Variants in MDM1 observed in about 807,000 individuals in gnomAD.
The protein encoded by MDM1 is Mdm1 nuclear protein.
In MDM1, 61 loss-of-function variants were observed where a neutral mutation model predicts 89.1. The observed-to-expected ratio is 0.68, with a 90% confidence interval of 0.56 to 0.85. The LOEUF is 0.85. Ranked by LOEUF, MDM1 falls within the 40% of genes least tolerant of loss-of-function variation. The pLI is 0.00. For missense variants in MDM1, 820 were observed against 846.5 expected (o/e 0.97, Z 0.39); for synonymous variants, 290 against 294.1 (o/e 0.99, Z 0.14).
intron 7 of MDM1, 137 bp downstream of exon 7, chr12:68,321,210 C>A: frequency 2.0e-6 from 1 of 498,652 alleles, no homozygotes; most frequent in Admixed American, 3.7e-5. Flanking sequence ...ACATAAGTTC[C>A]TGATACTATT....
chr12:68,327,397 G>C, intron 2 of MDM1: 1 of 1,535,610 alleles, frequency 6.5e-7, no homozygotes, highest in Non-Finnish European at 8.7e-7. Context: ...ATGGGCCCTG[G>C]TACTGTCAAA....
chr12:68,326,485 A>G (rs1875996898), intron 3 of MDM1, 172 bp downstream of exon 3: 1 of 1,517,334 alleles, frequency 6.6e-7, no homozygotes, highest in South Asian at 1.3e-5. Context: ...TCAGAATAGA[A>G]CTAATTCACA....
chr12:68,332,287 G>A lies in MDM1; in HGVS notation c.-42C>T, dbSNP rs767394016. 1.2e-5 allele frequency: 19 copies of A among 1,569,720 alleles called. No individual in the cohort carries two copies. Among genetic ancestry groups the A allele is most frequent in the Admixed American group, 7.4e-5 (4 of 53,878 alleles). Reference sequence around the variant, plus strand: ...GCCCCCGCTACTCCGACAGTTAACTGGAGAAAAAGCTCCGAGGGGGCGGGG... The same window carrying A: ...GCCCCCGCTACTCCGACAGTTAACTAGAGAAAAAGCTCCGAGGGGGCGGGG... On this transcript the variant is annotated 5_prime_UTR_variant, in exon 1 of 15. Transcript: ENST00000682720.
chr12:68,323,119 T>A lies in MDM1; in HGVS notation c.755A>T (p.Asp252Val). 1 of 1,609,732 alleles carries A rather than the reference T, an allele frequency of 6.2e-7. No homozygotes were observed. Residue 252 changes from aspartate to valine, a missense_variant, in exon 5 of 15, where the codon GAT becomes GTT. Physicochemically the swap from Asp to Val is radical, Grantham distance 152 (BLOSUM62 -3). Coordinates refer to ENST00000682720, the MANE Select transcript of MDM1 (RefSeq NM_001354969.2). ...SPVKEPKLRN[D>V]LRENRNLETV... ...TTCAAGATTTCTGTTTTCTCTCAAA[T>A]CATTTCTTAATTTTGGTTCTTTCAC...
rs777245690 is a variant in MDM1, at chr12:68,316,097, T to C, written c.1192A>G (p.Arg398Gly). Residue 398 changes from arginine (R) to glycine (G), a missense_variant, in exon 9 of 15, where the codon AGA (arginine) becomes GGA (glycine). Arg to Gly is a moderately radical substitution (Grantham distance 125). Coordinates refer to ENST00000682720, the MANE Select transcript of MDM1 (RefSeq NM_001354969.2). ...SSEGTVSSNI[R>G]ALDLAGDPTS... is the part of the protein sequence containing the mutation. ...TCTCACCCAGCAAGATCTAATGCTC[T>C]GATGTTGCTACTAACGGTTCCTTCT... The C allele has an allele frequency of 6.2e-7, 1 of 1,612,012 alleles. No homozygotes were observed. The highest frequency in any genetic ancestry group is 1.1e-5 in the South Asian group (1 of 90,736).
chr12:68,312,444 T>C (rs931779720), intron 12 of MDM1, among the ~76,000 whole-genome samples: 3 of 152,172 alleles, frequency 2.0e-5, no homozygotes, highest in Non-Finnish European at 2.9e-5. Flanking sequence ...TTGTTGGCTG[T>C]ACCTTCCATG....
chr12:68,295,520 T>C (rs1323106965), intron 14 of MDM1, among the ~76,000 whole-genome samples, 154 bp from the exon 15 acceptor site: 5 of 152,264 alleles, frequency 3.3e-5, no homozygotes, highest in Non-Finnish European at 7.3e-5. Flanking sequence ...TGTAAGATAC[T>C]AACACTCTCA....
chr12:68,315,199 G>A lies in MDM1; in HGVS notation c.1278C>T (p.Ile426=), dbSNP rs139553308. 9.4e-3 allele frequency: 15,097 copies of A among 1,614,090 alleles called. 114 individuals carry two copies. The highest frequency in any genetic ancestry group is 0.012 in the Non-Finnish European group (13,607 of 1,180,014). ...PSTEPEEKGN[I]VEEQPQKNTT... is the part of the protein sequence containing the mutation. ...TATTTTTCTGGGGCTGTTCTTCCAC[G>A]ATATTTCCTTTTTCTTCTGGTTCTG... Residue 426 remains isoleucine, a synonymous_variant, in exon 10 of 15, where the codon ATC becomes ATT. Transcript: ENST00000682720.
chr12:68,301,755 T>A (rs1872193116), intron 13 of MDM1, among the ~76,000 whole-genome samples: 2 of 142,366 alleles, frequency 1.4e-5, no homozygotes, highest in East Asian at 2.0e-4. Context: ...AGGAGAGAAA[T>A]TTTTTTTTTT....
At chr12:68,322,028 C>A (rs1875297486) in intron 5 of MDM1, among the ~76,000 whole-genome samples, 2 of 152,218 alleles carry the variant, frequency 1.3e-5, no homozygotes, top group South Asian at 4.1e-4. Flanking sequence ...TACTGAATAA[C>A]AATTCTTTTT....
chr12:68,295,580 T>G (rs1871269510), intron 14 of MDM1, among the ~76,000 whole-genome samples: 1 of 152,214 alleles, frequency 6.6e-6, no homozygotes, highest in African/African-American at 2.4e-5. Context: ...AAATCAAACC[T>G]TTTAATCTTA....
At chr12:68,316,434 A>G in intron 8 of MDM1, 147 bp downstream of exon 8, 1 of 924,652 alleles carries the variant, frequency 1.1e-6, no homozygotes, top group Non-Finnish European at 1.6e-6. Context: ...ATCAAGCTAA[A>G]GCATGATGCA....
At chr12:68,325,254 C>T (rs1207219131) in intron 4 of MDM1, 187 bp downstream of exon 4, 2 of 1,221,708 alleles carry the variant, frequency 1.6e-6, no homozygotes, top group South Asian at 3.5e-5. Flanking sequence ...AAGCCTAGGA[C>T]AGTATAATAT....
chr12:68,303,107 A>G (rs1159533841), intron 12 of MDM1, among the ~76,000 whole-genome samples: 2 of 152,166 alleles, frequency 1.3e-5, no homozygotes, highest in Non-Finnish European at 2.9e-5. Flanking sequence ...GAAAAAATAC[A>G]ACTTTTATGA....
rs750682129 is a variant in MDM1 at position 68,315,063 on chromosome 12, C to G, written c.1414G>C (p.Glu472Gln). 2 of 1,613,994 alleles carry G rather than the reference C, an allele frequency of 1.2e-6. No individual in the cohort carries two copies. Among genetic ancestry groups the G allele is most frequent in the African/African-American group, 1.3e-5 (1 of 74,880 alleles). Residue 472 changes from glutamate (E) to glutamine (Q), a missense_variant, in exon 10 of 15, where the codon GAG becomes CAG. Transcript: ENST00000682720. ...DVQKQPGEKE[E>Q]EDDNEEEGDR... ...CCTTCCTCTTCATTGTCGTCCTCCT[C>G]CTCTTTCTCCCCGGGCTGTTTCTGT...
At chr12:68,329,232 G>A (rs1465339044) in intron 2 of MDM1, among the ~76,000 whole-genome samples, 1 of 152,174 alleles carries the variant, frequency 6.6e-6, no homozygotes, top group African/African-American at 2.4e-5. Flanking sequence ...CGGAGAAGCA[G>A]GGACACCCAG....
chr12:68,322,987 C>A, intron 5 of MDM1, 86 bp downstream of exon 5: 1 of 1,343,458 alleles, frequency 7.4e-7, no homozygotes, highest in South Asian at 1.3e-5. Context: ...AAACCAAAAA[C>A]TCCCAGGTGG....
Position 68,295,419 on chromosome 12 carries a change from T to G in MDM1, c.2063-53A>C. On this transcript the variant is annotated intron_variant, in intron 14 of 14. Coordinates refer to ENST00000682720, the MANE Select transcript of MDM1 (RefSeq NM_001354969.2). ...TTCATTGCCAAAAATATCTATTAAA[T>G]AAACATTGTGTTTTATATAACAGAA... The G allele has an allele frequency of 3.6e-6, 4 of 1,105,612 alleles. No individual in the cohort carries two copies. The South Asian group carries it at 5.5e-5, about 15-fold the overall frequency. 68.5% of individuals were successfully genotyped at this position (1,105,612 alleles called of 1,614,324 possible).
chr12:68,303,988 A>G (rs913294647), intron 12 of MDM1, among the ~76,000 whole-genome samples: 1 of 152,220 alleles, frequency 6.6e-6, no homozygotes, highest in African/African-American at 2.4e-5. Context: ...CTGTAATCCT[A>G]GCAATTTGGG....
Sources: gnomAD v4.1 joint callset for allele counts (sites outside exome capture counted in the v4.1 genomes callset) on GRCh38, gnomAD v4.1.1 for gene constraint, MANE v1.5 for transcripts, NCBI Gene and HGNC (gene_info 2026-07-23, HGNC 2026-07-21) for gene names.